ANKRD44: variants seen among roughly 807,000 people sequenced by gnomAD.
ANKRD44 encodes the protein serine/threonine-protein phosphatase 6 regulatory ankyrin repeat subunit B.
ANKRD44 carries 35 observed loss-of-function variants against 116.0 expected under a neutral mutation model. The observed-to-expected ratio is 0.30, with a 90% CI of 0.23 to 0.40. The LOEUF (loss-of-function observed/expected upper bound fraction) is 0.40, where lower values mean the gene tolerates loss of function less well. ANKRD44 is among the 10% of genes least tolerant of loss of function. The pLI, the probability that ANKRD44 is intolerant of heterozygous loss-of-function variation, is 1.00. For synonymous variants in ANKRD44, 435 were observed against 461.8 expected (o/e 0.94, Z 0.74); for missense variants, 1,014 against 1,242.6 (o/e 0.82, Z 2.77).
At chr2:197,054,555 A>G (rs2077169267) in intron 16 of ANKRD44, among the ~76,000 whole-genome samples, 1 of 152,198 alleles carries the variant, frequency 6.6e-6, no homozygotes, top group African/African-American at 2.4e-5. Context: ...CCCTGTACAT[A>G]CCACTCAGCT....
At chr2:197,281,980 G>A (rs1248169252) in intron 1 of ANKRD44, among the ~76,000 whole-genome samples, 1 of 152,140 alleles carries the variant, frequency 6.6e-6, no homozygotes, top group Admixed American at 6.5e-5. Flanking sequence ...CAGGACAGCC[G>A]TGGTGGCTCA....
At chr2:197,116,411 G>C (rs757467346) in intron 8 of ANKRD44, among the ~76,000 whole-genome samples, 9 of 152,134 alleles carry the variant, frequency 5.9e-5, no homozygotes, top group Non-Finnish European at 1.2e-4. Flanking sequence ...CTACAGTTTT[G>C]GGAACGCTGG....
Position 197,282,145 on chromosome 2 carries a change from C to T in ANKRD44, c.27+28433G>A, listed in dbSNP as rs1008234414. On this transcript the variant is annotated intron_variant, in intron 1 of 27. Coordinates refer to ENST00000282272, the MANE Select transcript of ANKRD44 (RefSeq NM_001195144.2). The stretch of plus-strand genomic sequence containing the variant: ...GTGGGCACCTGTAGTCCCAGCTACT[C>T]GGGAGGCTGAGGCAAGAGAATGGCG... Among the ~76,000 whole-genome samples, 6 of 152,066 alleles carry T rather than the reference C, an allele frequency of 3.9e-5. No individual in the cohort carries two copies. In the East Asian group the frequency reaches 5.8e-4, roughly 15 times the overall value.
chr2:197,192,053 G>A (rs1303522362), intron 1 of ANKRD44, among the ~76,000 whole-genome samples: 1 of 152,122 alleles, frequency 6.6e-6, no homozygotes, highest in Non-Finnish European at 1.5e-5. Flanking sequence ...CTAGTTTAGA[G>A]TATCCACTCC....
At chr2:197,068,379 GA>G (rs1196504516) in intron 16 of ANKRD44, among the ~76,000 whole-genome samples, 5 of 50,884 alleles carry the variant, frequency 9.8e-5, no homozygotes, top group Non-Finnish European at 1.9e-4. Flanking sequence ...ATAAAAAAAA[GA>G]AAAAAATAAA....
intron 1 of ANKRD44, among the ~76,000 whole-genome samples, chr2:197,218,003 C>T (rs115759165): frequency 3.2e-4 from 48 of 152,158 alleles, no homozygotes; most frequent in African/African-American, 1.2e-3. Context: ...GGCAATAGTG[C>T]TAGTATTTAC....
chr2:196,974,175 G>A (rs1027967448), intron 21 of ANKRD44, among the ~76,000 whole-genome samples: 4 of 151,546 alleles, frequency 2.6e-5, no homozygotes, highest in Admixed American at 6.6e-5. Context: ...CTCTATCTCC[G>A]AGGCTTAAGC....
chr2:197,178,354 C>T (rs937852772), intron 2 of ANKRD44, among the ~76,000 whole-genome samples: 17 of 152,072 alleles, frequency 1.1e-4, no homozygotes, highest in African/African-American at 4.1e-4. Context: ...TCCTGTAGTC[C>T]CAGCTACTTG....
chr2:197,104,241 C>A (rs1330089655), intron 9 of ANKRD44, among the ~76,000 whole-genome samples: 3 of 152,198 alleles, frequency 2.0e-5, no homozygotes, highest in Non-Finnish European at 4.4e-5. Flanking sequence ...CTGCCTCAGC[C>A]TCCCAAGGAG....
chr2:197,057,618 A>T (rs928403494), intron 16 of ANKRD44, among the ~76,000 whole-genome samples: 2 of 152,162 alleles, frequency 1.3e-5, no homozygotes, highest in Admixed American at 6.6e-5. Flanking sequence ...TCTTATCTGT[A>T]ATCTCAGCAC....
At chr2:197,117,571 T>C (rs1043056728) in intron 8 of ANKRD44, among the ~76,000 whole-genome samples, 5 of 151,874 alleles carry the variant, frequency 3.3e-5, no homozygotes, top group Non-Finnish European at 7.4e-5. Flanking sequence ...GGTTTCACCA[T>C]ATTGGTCAGA....
chr2:197,043,475 T>A (rs924286054), intron 16 of ANKRD44, among the ~76,000 whole-genome samples: 20 of 152,192 alleles, frequency 1.3e-4, no homozygotes, highest in African/African-American at 4.8e-4. Context: ...CCCAAAGCAC[T>A]GAGATGACAA....
intron 16 of ANKRD44, among the ~76,000 whole-genome samples, chr2:197,059,920 G>A (rs1038415693): frequency 7.9e-5 from 12 of 152,128 alleles, no homozygotes; most frequent in Admixed American, 2.6e-4. Context: ...CCTTCAATTC[G>A]TTACAGGTTT....
In ANKRD44 at chr2:197,118,127, G is replaced by C. The variant is rs183054142; in HGVS notation, c.906+3205C>G. On this transcript the variant is annotated intron_variant, in intron 8 of 27. Transcript: ENST00000282272. ...ACTCGGGAGGCTGAGGCCAGAGGATGGCTTGAGCCTGGGAGGCAGAGGTTG... is the reference window on the plus strand; with the variant it reads ...ACTCGGGAGGCTGAGGCCAGAGGATCGCTTGAGCCTGGGAGGCAGAGGTTG... 2.0e-3 allele frequency among the ~76,000 whole-genome samples: 303 copies of C among 149,482 alleles called. 1 individual carries two copies. The highest frequency in any genetic ancestry group is 7.0e-3 in the African/African-American group (283 of 40,406).
intron 16 of ANKRD44, chr2:197,077,775 G>A (rs1246326735): frequency 6.6e-6 from 1 of 152,156 alleles, no homozygotes; most frequent in African/African-American, 2.4e-5. Context: ...TCGACTGACA[G>A]TGTAAATTAA....
chr2:197,162,371 T>C (rs1364065439), intron 2 of ANKRD44, among the ~76,000 whole-genome samples: 1 of 152,180 alleles, frequency 6.6e-6, no homozygotes, highest in Admixed American at 6.5e-5. Flanking sequence ...CCGTTTTATT[T>C]CTAAGAATTG....
intron 21 of ANKRD44, among the ~76,000 whole-genome samples, chr2:196,979,585 CAG>C (rs2075786408): frequency 1.4e-5 from 1 of 71,774 alleles, no homozygotes; most frequent in African/African-American, 6.8e-5. Flanking sequence ...TTTTTTAAGA[CAG>C]AGTTTGGCTC....
In ANKRD44 at chr2:196,990,983, C is replaced by T. The variant is rs569917673; in HGVS notation, c.2924-1334G>A. On this transcript the variant is annotated intron_variant, in intron 27 of 27. Transcript: ENST00000282272. ...AGTCCTGGGGAGCCTAGAGGAGGCACGAGCATTCCACAGTACATCTCGGAT... is the reference window on the plus strand; with the variant it reads ...AGTCCTGGGGAGCCTAGAGGAGGCATGAGCATTCCACAGTACATCTCGGAT... 23 of 1,213,532 alleles carry T rather than the reference C, an allele frequency of 1.9e-5. No individual in the cohort carries two copies. The Admixed American group carries it at 3.4e-4, about 18-fold the overall frequency. The allele number at this position is 1,213,532 out of a possible 1,614,324, so 75.2% of individuals were successfully genotyped here.
rs984944268 is a variant in ANKRD44 at position 197,136,653 on chromosome 2, A to G, written c.200T>C (p.Val67Ala). 1 of 1,614,196 alleles carries G rather than the reference A, an allele frequency of 6.2e-7. No homozygotes were observed. Residue 67 changes from valine to alanine, a missense_variant, in exon 4 of 28, where the codon GTA becomes GCA. Val to Ala is a moderately conservative substitution (Grantham distance 64). Transcript: ENST00000282272. ...CAGCCACATGTTGTCCTTGGCATTTACACGAGCTCCTGGAATCAAACAGCA... is the reference window on the plus strand; with the variant it reads ...CAGCCACATGTTGTCCTTGGCATTTGCACGAGCTCCTGGAATCAAACAGCA... ...IELLILSGAR[V>A]NAKDNMWLTP... is the part of the protein sequence containing the mutation.
Sources: gnomAD v4.1 joint callset for allele counts (sites outside exome capture counted in the v4.1 genomes callset) on GRCh38, gnomAD v4.1.1 for gene constraint, MANE v1.5 for transcripts, NCBI Gene and HGNC (gene_info 2026-07-23, HGNC 2026-07-21) for gene names.